The following CDC27 variants were observed in gnomAD, a reference collection of about 807,000 sequenced individuals.
The protein encoded by CDC27 is cell division cycle protein 27 homolog.
Under a neutral mutation model 109.7 loss-of-function variants are expected in CDC27, and 27 were observed. The ratio of observed to expected loss-of-function variants is 0.25; its 90% confidence interval spans 0.18 to 0.34. The LOEUF (loss-of-function observed/expected upper bound fraction) is 0.34. Among genes scored for constraint, CDC27 ranks in the 10% least tolerant of loss-of-function variants. CDC27 has a pLI of 1.00. For missense variants in CDC27, 579 were observed against 960.2 expected (o/e 0.60, Z 5.25); for synonymous variants, 266 against 333.9 (o/e 0.80, Z 2.22).
Position 47,122,633 on chromosome 17 carries a change from T to G in CDC27, c.2236-33A>C, listed in dbSNP as rs754802933. The stretch of plus-strand genomic sequence containing the variant: ...TAAACAGCAGCACTACATTTTTCAT[T>G]AAGTTGTGAGCTTCAACTATAAAAT... On this transcript the variant is annotated intron_variant, in intron 17 of 18. Coordinates refer to ENST00000066544, the MANE Select transcript of CDC27 (RefSeq NM_001256.6). The G allele has an allele frequency of 6.6e-6, 10 of 1,513,376 alleles. No individual in the cohort carries two copies. The African/African-American group carries it at 9.8e-5, about 15-fold the overall frequency. 93.7% of individuals were successfully genotyped at this position (1,513,376 alleles called of 1,614,324 possible). A position where few individuals can be genotyped will look rare whatever the true frequency, so the allele number is the denominator to read the frequency against.
At chr17:47,179,247 C>T (rs2064133432) in intron 2 of CDC27, among the ~76,000 whole-genome samples, 1 of 152,236 alleles carries the variant, frequency 6.6e-6, no homozygotes, top group Non-Finnish European at 1.5e-5. Context: ...TGTTGGATGT[C>T]TTTCTCCAAA....
chr17:47,121,761 CAG>C (rs1439741054), intron 18 of CDC27, among the ~76,000 whole-genome samples: 3 of 147,422 alleles, frequency 2.0e-5, no homozygotes, highest in East Asian at 3.9e-4. Flanking sequence ...TTTTTTGAGA[CAG>C]AGTTTCATTC....
intron 1 of CDC27, among the ~76,000 whole-genome samples, chr17:47,185,340 G>A (rs1394312356): frequency 2.6e-5 from 4 of 151,830 alleles, no homozygotes; most frequent in African/African-American, 7.3e-5. Flanking sequence ...CACCATGCCC[G>A]GCTAATTTTT....
chr17:47,123,715 A>G (rs541559172), intron 17 of CDC27, among the ~76,000 whole-genome samples, 171 bp downstream of exon 17: 1 of 152,122 alleles, frequency 6.6e-6, no homozygotes, highest in South Asian at 2.1e-4. Flanking sequence ...CCTGGCTAGG[A>G]TATCATTTTC....
At chr17:47,138,404 A>G (rs1462751882) in intron 13 of CDC27, among the ~76,000 whole-genome samples, 1 of 152,214 alleles carries the variant, frequency 6.6e-6, no homozygotes, top group Non-Finnish European at 1.5e-5. Context: ...TTACAATGAC[A>G]ATACTAATTT....
intron 4 of CDC27, among the ~76,000 whole-genome samples, chr17:47,166,068 C>T (rs1254451948): frequency 6.5e-4 from 99 of 152,178 alleles, no homozygotes; most frequent in Non-Finnish European, 8.8e-5. Context: ...TTTTATATAT[C>T]ACTGATACAT....
At chr17:47,145,470 G>A (rs962778951) in intron 9 of CDC27, among the ~76,000 whole-genome samples, 2 of 152,160 alleles carry the variant, frequency 1.3e-5, no homozygotes, top group Non-Finnish European at 2.9e-5. Flanking sequence ...AGGCTCCTGA[G>A]ATCTACTAAG....
rs555492278 is a variant in CDC27, at chr17:47,120,475, C to T, written c.*460G>A. On this transcript the variant is annotated 3_prime_UTR_variant, in exon 19 of 19. Coordinates refer to ENST00000066544, the MANE Select transcript of CDC27 (RefSeq NM_001256.6). ...ACGTCTTTTATTGTTCCATCTGGCA[C>T]TTGCAAACACCATTCTTGAAGAACC... 2 of 154,318 alleles carry T rather than the reference C, an allele frequency of 1.3e-5. No individual in the cohort carries two copies. The highest frequency in any genetic ancestry group is 4.1e-4 in the South Asian group (2 of 4,920). 9.6% of individuals were successfully genotyped at this position (154,318 alleles called of 1,614,324 possible).
rs548373094 is a variant in CDC27 at position 47,125,833 on chromosome 17, C to T, written c.2161-1873G>A. Among the ~76,000 whole-genome samples, 3 of 152,254 alleles carry T rather than the reference C, an allele frequency of 2.0e-5. No homozygotes were observed. In the East Asian group the frequency reaches 5.8e-4, roughly 29 times the overall value. The stretch of plus-strand genomic sequence containing the variant: ...CTGGGATTACAGGCGTGAGCTGCTG[C>T]GCCTGGCCTTTAAAGAAATCTTAAT... On this transcript the variant is annotated intron_variant, in intron 16 of 18. Transcript: ENST00000066544.
chr17:47,186,778 A>G (rs569738060), intron 1 of CDC27, among the ~76,000 whole-genome samples: 1 of 152,316 alleles, frequency 6.6e-6, no homozygotes, highest in African/African-American at 2.4e-5. Flanking sequence ...AATGCAGAAA[A>G]CAGTTCTTCA....
chr17:47,141,478 A>G (rs1467878675), intron 12 of CDC27, among the ~76,000 whole-genome samples: 3 of 152,186 alleles, frequency 2.0e-5, no homozygotes, highest in African/African-American at 7.2e-5. Context: ...CTTCAAGCTT[A>G]TAAAACATAT....
Position 47,157,417 on chromosome 17 carries a change from T to C in CDC27, c.476-33A>G, listed in dbSNP as rs750796318. 1.7e-5 allele frequency: 26 copies of C among 1,511,078 alleles called. No homozygotes were observed. In the South Asian group the frequency reaches 2.8e-4, roughly 16 times the overall value. The allele number at this position is 1,511,078 out of a possible 1,614,324, so 93.6% of individuals were successfully genotyped here. ...GACAAAAAAAAAAAAAGTTTGTCTC[T>C]GAGGAAGTGAGGAATACATGTTTTT... On this transcript the variant is annotated intron_variant, in intron 5 of 18. Transcript: ENST00000066544.
chr17:47,166,717 C>A (rs963632650), intron 4 of CDC27, among the ~76,000 whole-genome samples: 1 of 152,132 alleles, frequency 6.6e-6, no homozygotes, highest in Admixed American at 6.5e-5. Context: ...TTATAACAAA[C>A]ATTTAGTGCT....
chr17:47,174,813 G>A (rs186282931), intron 2 of CDC27, among the ~76,000 whole-genome samples: 66 of 152,082 alleles, frequency 4.3e-4, no homozygotes, highest in East Asian at 4.1e-3. Context: ...AAAATCAGCC[G>A]GGTGTGGTGG....
intron 4 of CDC27, among the ~76,000 whole-genome samples, chr17:47,161,566 C>T (rs1489316847): frequency 6.6e-6 from 1 of 152,056 alleles, no homozygotes; most frequent in Non-Finnish European, 1.5e-5. Context: ...GCCTGGCCAA[C>T]ACGGTGAAAA....
Position 47,154,760 on chromosome 17 carries a change from G to T in CDC27, c.869C>A (p.Pro290Gln), listed in dbSNP as rs138789655. 2,685 of 1,605,998 alleles carry T rather than the reference G, an allele frequency of 1.7e-3. 1 individual carries two copies. The highest frequency in any genetic ancestry group is 2.1e-3 in the Non-Finnish European group (2,421 of 1,173,424). Residue 290 changes from proline to glutamine, a missense_variant, in exon 8 of 19, where the codon CCA becomes CAA. By Grantham distance (76) the Pro-to-Gln change is moderately conservative (BLOSUM62 -1). This residue lies in a region of CDC27 where 74 missense variants were observed against 148.9 expected (regional missense o/e 0.50). Transcript: ENST00000066544. ...PSFGILPLET[P>Q]SPGDGSYLQN... ...TAAATAGGATCCATCTCCAGGACTTGGGGTTTCTAATGGCAAAATCCCAAA... is the reference window on the plus strand; with the variant it reads ...TAAATAGGATCCATCTCCAGGACTTTGGGTTTCTAATGGCAAAATCCCAAA...
rs1343151618 is a variant in CDC27, at chr17:47,118,883, A to G, written c.*2052T>C. 1 of 152,220 alleles carries G rather than the reference A, an allele frequency of 6.6e-6. No homozygotes were observed. The highest frequency in any genetic ancestry group is 1.5e-5 in the Non-Finnish European group (1 of 68,028). 9.4% of individuals were successfully genotyped at this position (152,220 alleles called of 1,614,324 possible). On this transcript the variant is annotated 3_prime_UTR_variant, in exon 19 of 19. Transcript: ENST00000066544. ...AACTGTCCCCCAACCAGCCATTGCC[A>G]TGGCATGTCTTACAAAACGATCCTT...
intron 4 of CDC27, among the ~76,000 whole-genome samples, chr17:47,158,589 A>G (rs1168698168): frequency 6.6e-6 from 1 of 152,116 alleles, no homozygotes; most frequent in East Asian, 1.9e-4. Flanking sequence ...GGAGATGTGA[A>G]AAACATCCAA....
chr17:47,165,611 T>G (rs76505635), intron 4 of CDC27, among the ~76,000 whole-genome samples: 15,967 of 152,280 alleles, frequency 0.1, 948 homozygotes, highest in South Asian at 0.2. Context: ...TCTCCCAGGC[T>G]GTGACTTGTG....
Sources: allele counts gnomAD v4.1 joint callset (sites outside exome capture counted in the v4.1 genomes callset), GRCh38; gene constraint gnomAD v4.1.1; regional missense constraint gnomAD v4.1.1; transcripts MANE v1.5; gene names NCBI Gene and HGNC (gene_info 2026-07-23, HGNC 2026-07-21).